Variants in SLC36A1 observed in about 807,000 individuals in gnomAD.
The protein encoded by SLC36A1 is solute carrier family 36 member 1, also known as proton-coupled amino acid transporter 1.
A neutral mutation model predicts 47.5 loss-of-function variants in SLC36A1; 30 were observed. The observed-to-expected ratio is 0.63, with a 90% CI of 0.47 to 0.86. The LOEUF is 0.86. SLC36A1 is among the 40% of genes least tolerant of loss of function. SLC36A1 has a pLI of 0.00. For synonymous variants in SLC36A1, 255 were observed against 249.7 expected (o/e 1.02, Z -0.20); for missense variants, 517 against 606.0 (o/e 0.85, Z 1.54).
At chr5:151,476,946 T>G in intron 9 of SLC36A1, 190 bp downstream of exon 9, 1 of 752,168 alleles carries the variant, frequency 1.3e-6, no homozygotes, top group Non-Finnish European at 2.3e-6. Context: ...ATGTAGAGCC[T>G]TCTGCTGAAG....
At chr5:151,400,090 T>G in the SLC36A1 span, among the ~76,000 whole-genome samples, 1 of 152,156 alleles carries the variant, frequency 6.6e-6, no homozygotes, top group Non-Finnish European at 1.5e-5. Context: ...AGGTTTAGGG[T>G]ATGAACGATC....
the SLC36A1 span, among the ~76,000 whole-genome samples, chr5:151,532,846 C>T: frequency 2.0e-5 from 3 of 152,202 alleles, no homozygotes; most frequent in Non-Finnish European, 4.4e-5. Flanking sequence ...GTCTCCCACA[C>T]ACGTGGAACA....
chr5:151,530,986 G>A, the SLC36A1 span, among the ~76,000 whole-genome samples: 207 of 152,326 alleles, frequency 1.4e-3, 2 homozygotes, highest in African/African-American at 4.5e-3. Flanking sequence ...GGGGAGCCAT[G>A]GGGAGGAATC....
the SLC36A1 span, among the ~76,000 whole-genome samples, chr5:151,520,497 C>T: frequency 6.6e-6 from 1 of 152,194 alleles, no homozygotes; most frequent in African/African-American, 2.4e-5. Context: ...GTGACATCTA[C>T]ACAGAGTGTG....
At chr5:151,495,551 A>G (rs1760313961), downstream of SLC36A1, among the ~76,000 whole-genome samples, 1 of 152,176 alleles carries the variant, frequency 6.6e-6, no homozygotes, top group Admixed American at 6.6e-5. Context: ...GTGTTTGTGT[A>G]TAGCTGTATG....
At chr5:151,507,286 C>T in the SLC36A1 span, 23 of 1,614,038 alleles carry the variant, frequency 1.4e-5, no homozygotes, top group East Asian at 2.2e-4. Context: ...CCAAATGTGA[C>T]GAGTTCATTT....
chr5:151,478,659 A>G (rs1369924053), intron 9 of SLC36A1, among the ~76,000 whole-genome samples: 1 of 152,224 alleles, frequency 6.6e-6, no homozygotes, highest in African/African-American at 2.4e-5. Context: ...CAAAAGGTAT[A>G]TAGAGAGCAT....
chr5:151,410,921 G>A, the SLC36A1 span, among the ~76,000 whole-genome samples: 1 of 144,368 alleles, frequency 6.9e-6, no homozygotes, highest in African/African-American at 2.5e-5. Context: ...GTGTGACAAC[G>A]AAAAATATCT....
chr5:151,353,062 G>A, the SLC36A1 span, among the ~76,000 whole-genome samples: 2 of 152,210 alleles, frequency 1.3e-5, no homozygotes, highest in Non-Finnish European at 2.9e-5. Context: ...GAGAAAGCTA[G>A]AGAAAAAGAG....
At chr5:151,388,277 G>T in the SLC36A1 span, among the ~76,000 whole-genome samples, 2 of 152,022 alleles carry the variant, frequency 1.3e-5, no homozygotes. Context: ...CGAGGTGGGC[G>T]GATCACCTGA....
chr5:151,473,428 A>G (rs1757602491), intron 7 of SLC36A1, among the ~76,000 whole-genome samples: 1 of 152,148 alleles, frequency 6.6e-6, no homozygotes, highest in Non-Finnish European at 1.5e-5. Flanking sequence ...GCAAGCCCCA[A>G]CATTTGAGTT....
chr5:151,475,444 G>C (rs1757914015), intron 8 of SLC36A1, among the ~76,000 whole-genome samples: 1 of 152,208 alleles, frequency 6.6e-6, no homozygotes, highest in Non-Finnish European at 1.5e-5. Flanking sequence ...AACACTGCTA[G>C]ATTGACTCTT....
chr5:151,460,829 T>C (rs376543149), intron 2 of SLC36A1, among the ~76,000 whole-genome samples: 2 of 148,586 alleles, frequency 1.3e-5, no homozygotes, highest in East Asian at 1.9e-4. Flanking sequence ...CACCCTTTTA[T>C]CTAGTTTGCC....
intron 10 of SLC36A1, among the ~76,000 whole-genome samples, chr5:151,483,508 TTG>T (rs144631766): frequency 5.2e-5 from 7 of 135,868 alleles, no homozygotes; most frequent in Admixed American, 2.1e-4. Context: ...GCTGGGGTCT[TTG>T]TGTGTGTGGG....
chr5:151,484,435 C>T (rs1407085879), intron 10 of SLC36A1, among the ~76,000 whole-genome samples: 3 of 152,222 alleles, frequency 2.0e-5, no homozygotes, highest in Non-Finnish European at 4.4e-5. Flanking sequence ...AGCCCCATCG[C>T]TTTGCTGTGC....
the SLC36A1 span, among the ~76,000 whole-genome samples, chr5:151,350,951 C>T: frequency 1.3e-5 from 2 of 152,134 alleles, no homozygotes; most frequent in South Asian, 4.1e-4. Context: ...TCCCAAAGTG[C>T]TGGGATTAAA....
chr5:151,369,666 G>C, the SLC36A1 span, among the ~76,000 whole-genome samples: 2 of 152,164 alleles, frequency 1.3e-5, no homozygotes, highest in African/African-American at 4.8e-5. Context: ...TATATTTGTA[G>C]ATACAGGGTC....
the SLC36A1 span, chr5:151,525,897 G>A: frequency 1.2e-6 from 2 of 1,614,170 alleles, no homozygotes; most frequent in East Asian, 4.5e-5. Context: ...AGTAGGGGGG[G>A]CCATTCTCTG....
chr5:151,533,802 A>G, the SLC36A1 span, among the ~76,000 whole-genome samples: 68 of 152,190 alleles, frequency 4.5e-4, no homozygotes, highest in African/African-American at 1.4e-3. Flanking sequence ...GTATGTATAC[A>G]TGCAGGTATG....
Sources: allele counts gnomAD v4.1 joint callset (sites outside exome capture counted in the v4.1 genomes callset), GRCh38; gene constraint gnomAD v4.1.1; transcripts MANE v1.5; gene names NCBI Gene and HGNC (gene_info 2026-07-23, HGNC 2026-07-21).